SLC35F4: variants seen among roughly 807,000 people sequenced by gnomAD.
The protein encoded by SLC35F4 is solute carrier family 35 member F4.
A neutral mutation model predicts 44.2 loss-of-function variants in SLC35F4; 24 were observed. The ratio of observed to expected loss-of-function variants is 0.54; its 90% confidence interval spans 0.39 to 0.76. The LOEUF (loss-of-function observed/expected upper bound fraction) is 0.76. Among genes scored for constraint, SLC35F4 ranks in the 30% least tolerant of loss-of-function variants. The pLI is 0.00. For missense variants in SLC35F4, 562 were observed against 586.1 expected (o/e 0.96, Z 0.42); for synonymous variants, 238 against 223.6 (o/e 1.06, Z -0.57).
chr14:57,702,309 C>T (rs1263445650), intron 1 of SLC35F4, among the ~76,000 whole-genome samples: 1 of 141,434 alleles, frequency 7.1e-6, no homozygotes, highest in Non-Finnish European at 1.5e-5. Flanking sequence ...ATGCACTATG[C>T]CCAAATAAAT....
chr14:57,796,935 C>T (rs997328339), intron 1 of SLC35F4, among the ~76,000 whole-genome samples: 2 of 152,184 alleles, frequency 1.3e-5, no homozygotes, highest in Non-Finnish European at 2.9e-5. Context: ...TAAACACTAA[C>T]AAGGTGAATG....
Position 57,666,274 on chromosome 14 carries a change from A to G in SLC35F4, c.104-72150T>C, listed in dbSNP as rs186413273. 1.2e-4 allele frequency among the ~76,000 whole-genome samples: 18 copies of G among 152,332 alleles called. No individual in the cohort carries two copies. The East Asian group carries it at 2.7e-3, about 23-fold the overall frequency. On this transcript the variant is annotated intron_variant, in intron 1 of 7. Transcript: ENST00000556826. ...CAGAACTTGAATTTAGGTATTCCTA[A>G]GGTTCCAAATAATCAAATACTATCC...
intron 1 of SLC35F4, among the ~76,000 whole-genome samples, chr14:57,718,435 T>A (rs974892774): frequency 1.3e-5 from 2 of 152,236 alleles, no homozygotes; most frequent in Non-Finnish European, 2.9e-5. Context: ...TTCTCTGTAG[T>A]GGTTGTACCA....
intron 1 of SLC35F4, among the ~76,000 whole-genome samples, chr14:57,847,573 TAATAC>T (rs984923533): frequency 1.4e-4 from 21 of 152,210 alleles, no homozygotes; most frequent in African/African-American, 5.1e-4. Flanking sequence ...TGATATCCTA[TAATAC>T]AAGGTCATGT....
intron 1 of SLC35F4, among the ~76,000 whole-genome samples, chr14:57,854,476 T>C (rs1886889401): frequency 6.6e-6 from 1 of 152,216 alleles, no homozygotes; most frequent in African/African-American, 2.4e-5. Flanking sequence ...TAACACTCCA[T>C]GTATGAAAGG....
intron 1 of SLC35F4, among the ~76,000 whole-genome samples, chr14:57,863,108 C>T (rs1262479225): frequency 1.3e-5 from 2 of 152,206 alleles, no homozygotes; most frequent in African/African-American, 4.8e-5. Flanking sequence ...CTCAAGCAAT[C>T]CTCCTGCCTT....
intron 1 of SLC35F4, among the ~76,000 whole-genome samples, chr14:57,882,965 C>T (rs78387562): frequency 0.015 from 2,249 of 151,720 alleles, 50 homozygotes; most frequent in African/African-American, 0.051. Flanking sequence ...ATTAGACATA[C>T]CTTCTTGCAC....
At chr14:57,627,490 C>T (rs1594632650) in intron 1 of SLC35F4, among the ~76,000 whole-genome samples, 1 of 133,524 alleles carries the variant, frequency 7.5e-6, no homozygotes, top group Non-Finnish European at 1.5e-5. Flanking sequence ...ATTATACTTA[C>T]TTTAAATAAT....
intron 1 of SLC35F4, among the ~76,000 whole-genome samples, chr14:57,658,492 A>G (rs746972752): frequency 6.6e-6 from 1 of 152,166 alleles, no homozygotes; most frequent in Non-Finnish European, 1.5e-5. Flanking sequence ...TCAACAATTA[A>G]TTAGAGAATG....
At chr14:57,880,878 T>C (rs10138889) in intron 1 of SLC35F4, among the ~76,000 whole-genome samples, 12,532 of 152,216 alleles carry the variant, frequency 0.082, 735 homozygotes, top group African/African-American at 0.17. Flanking sequence ...AATACATTGA[T>C]GAATAAATTG....
intron 1 of SLC35F4, among the ~76,000 whole-genome samples, chr14:57,713,750 G>A (rs189930805): frequency 5.3e-5 from 8 of 152,236 alleles, no homozygotes; most frequent in South Asian, 2.1e-4. Context: ...ATGAATGGAC[G>A]GAGGGGGTGC....
intron 1 of SLC35F4, among the ~76,000 whole-genome samples, chr14:57,639,368 AAC>A (rs1490419949): frequency 6.6e-6 from 1 of 151,994 alleles, no homozygotes; most frequent in East Asian, 1.9e-4. Flanking sequence ...ATAAATTAAA[AAC>A]ACAGAAGATT....
At chr14:57,617,553 T>A (rs981214766) in intron 1 of SLC35F4, among the ~76,000 whole-genome samples, 87 of 152,246 alleles carry the variant, frequency 5.7e-4, no homozygotes, top group Non-Finnish European at 9.7e-4. Flanking sequence ...ATACCTTGCA[T>A]GTGCTAGGCA....
intron 1 of SLC35F4, among the ~76,000 whole-genome samples, chr14:57,599,814 A>AAC (rs1555358401): frequency 1.3e-5 from 2 of 151,506 alleles, no homozygotes; most frequent in Non-Finnish European, 2.9e-5. Flanking sequence ...AAAAAAAAAA[A>AAC]AAAAACAACA....
intron 1 of SLC35F4, among the ~76,000 whole-genome samples, chr14:57,701,776 C>T (rs1267684012): frequency 2.0e-5 from 3 of 152,086 alleles, no homozygotes; most frequent in Non-Finnish European, 2.9e-5. Flanking sequence ...ATATGGAAGT[C>T]GAACAATTAT....
intron 4 of SLC35F4, among the ~76,000 whole-genome samples, chr14:57,577,662 C>A (rs1159112170): frequency 6.8e-6 from 1 of 146,376 alleles, no homozygotes. Flanking sequence ...TTGGGAAGAA[C>A]CTTTTTTTAA....
chr14:57,738,023 T>G (rs145769139), intron 1 of SLC35F4, among the ~76,000 whole-genome samples: 26 of 152,308 alleles, frequency 1.7e-4, no homozygotes, highest in African/African-American at 6.3e-4. Context: ...AAAAAACATA[T>G]AACTAATCTT....
chr14:57,828,918 C>T (rs972609579), intron 1 of SLC35F4, among the ~76,000 whole-genome samples: 9 of 152,220 alleles, frequency 5.9e-5, no homozygotes, highest in South Asian at 4.1e-4. Flanking sequence ...CCACGGGACA[C>T]TTTTTAGCCA....
chr14:57,683,947 T>A (rs1396792899), intron 1 of SLC35F4, among the ~76,000 whole-genome samples: 1 of 152,014 alleles, frequency 6.6e-6, no homozygotes, highest in Non-Finnish European at 1.5e-5. Flanking sequence ...GTCTCTGATC[T>A]CTTTTCTGGT....
Sources: gnomAD v4.1 joint callset for allele counts (sites outside exome capture counted in the v4.1 genomes callset) on GRCh38, gnomAD v4.1.1 for gene constraint, MANE v1.5 for transcripts, NCBI Gene and HGNC (gene_info 2026-07-23, HGNC 2026-07-21) for gene names.